Variants in TMEM255B observed in about 807,000 individuals in gnomAD.
TMEM255B encodes family with sequence similarity 70, member B.
TMEM255B carries 35 observed loss-of-function variants against 34.5 expected under a neutral mutation model. The observed-to-expected ratio is 1.01, with a 90% CI of 0.77 to 1.34. The LOEUF (loss-of-function observed/expected upper bound fraction) is 1.34, where lower values mean the gene tolerates loss of function less well. TMEM255B is among the 40% of genes most tolerant of loss of function. TMEM255B has a pLI of 0.00. For synonymous variants in TMEM255B, 206 were observed against 201.2 expected (o/e 1.02, Z -0.20); for missense variants, 432 against 433.2 (o/e 1.00, Z 0.02).
Position 113,765,936 on chromosome 13 carries a change from G to C in TMEM255B, c.47-179G>C, listed in dbSNP as rs996474706. 3.3e-5 allele frequency among the ~76,000 whole-genome samples: 5 copies of C among 152,352 alleles called. No individual in the cohort carries two copies. The highest frequency in any genetic ancestry group is 4.8e-5 in the African/African-American group (2 of 41,588). The stretch of plus-strand genomic sequence containing the variant: ...ATCCAGTATAGTGGCTTATGGTCCA[G>C]AGATTTTATTCTGTTATCTAATGGA... On this transcript the variant is annotated intron_variant, in intron 1 of 8. Coordinates refer to ENST00000375353, the MANE Select transcript of TMEM255B (RefSeq NM_182614.4).
At chr13:113,804,492 C>T (rs1307626518) in intron 7 of TMEM255B, among the ~76,000 whole-genome samples, 1 of 152,230 alleles carries the variant, frequency 6.6e-6, no homozygotes, top group Admixed American at 6.5e-5. Flanking sequence ...CCGAGCCGAG[C>T]GGTCACCCAG....
intron 1 of TMEM255B, among the ~76,000 whole-genome samples, chr13:113,764,968 C>T (rs1480101093): frequency 3.3e-5 from 5 of 152,192 alleles, no homozygotes; most frequent in South Asian, 2.1e-4. Flanking sequence ...CTGGCCGCCT[C>T]GGTGCAGTGG....
intron 8 of TMEM255B, among the ~76,000 whole-genome samples, chr13:113,807,748 G>C (rs1246542329): frequency 7.2e-6 from 1 of 138,934 alleles, no homozygotes. Flanking sequence ...GGATGTGGGG[G>C]GTAGTCCTCC....
chr13:113,780,187 G>A (rs1341403107), intron 3 of TMEM255B, among the ~76,000 whole-genome samples: 2 of 152,204 alleles, frequency 1.3e-5, no homozygotes, highest in East Asian at 1.9e-4. Flanking sequence ...CCCCTGTGCA[G>A]GGACTGTGTA....
chr13:113,799,566 C>G lies in TMEM255B; in HGVS notation c.423+147C>G, dbSNP rs75413514. 2.0e-3 allele frequency: 1,434 copies of G among 713,084 alleles called. 20 individuals carry two copies. The African/African-American group carries it at 0.023, about 12-fold the overall frequency. 44.2% of individuals were successfully genotyped at this position (713,084 alleles called of 1,614,324 possible). A position where few individuals can be genotyped will look rare whatever the true frequency, so the allele number is the denominator to read the frequency against. On this transcript the variant is annotated intron_variant, in intron 5 of 8. Transcript: ENST00000375353. ...CCCTGCAGCTGGTGAACCGTTGATG[C>G]CCCCTGTGTTTGGGACCTTGACATT...
In TMEM255B at chr13:113,795,560, C is replaced by CCACACAA. The variant is rs1356068423; in HGVS notation, c.342+330_342+336dup. On this transcript the variant is annotated intron_variant, in intron 4 of 8. Transcript: ENST00000375353. ...CAGCACACACACAACACAGCACACA[C>CCACACAA]CACACAACACACAGAGCACACAGCA... 2.2e-5 allele frequency among the ~76,000 whole-genome samples: 3 copies of CCACACAA among 135,492 alleles called. No individual in the cohort carries two copies. In the East Asian group the frequency reaches 6.9e-4, roughly 31 times the overall value. 88.9% of individuals were successfully genotyped at this position (135,492 alleles called of 152,430 possible). A position where few individuals can be genotyped will look rare whatever the true frequency, so the allele number is the denominator to read the frequency against.
chr13:113,772,809 T>G (rs747695370), intron 3 of TMEM255B, among the ~76,000 whole-genome samples: 10 of 152,210 alleles, frequency 6.6e-5, no homozygotes, highest in Non-Finnish European at 1.2e-4. Context: ...TACTGTAGCT[T>G]TAGAGTGAGT....
Position 113,815,956 on chromosome 13 carries a change from C to T in TMEM255B, c.*4053C>T, listed in dbSNP as rs533354379. 2.4e-4 allele frequency: 38 copies of T among 160,978 alleles called. No homozygotes were observed. The highest frequency in any genetic ancestry group is 7.0e-4 in the African/African-American group (29 of 41,468). The allele number at this position is 160,978 out of a possible 1,614,324, so 10.0% of individuals were successfully genotyped here. ...GTTTATATGCAGTGTCCAGAGAAGGCGTGTCCACAGACAGAAGCCGACTGG... is the reference window on the plus strand; with the variant it reads ...GTTTATATGCAGTGTCCAGAGAAGGTGTGTCCACAGACAGAAGCCGACTGG... On this transcript the variant is annotated 3_prime_UTR_variant, in exon 9 of 9. Coordinates refer to ENST00000375353, the MANE Select transcript of TMEM255B (RefSeq NM_182614.4).
chr13:113,795,377 C>T, intron 4 of TMEM255B, 140 bp downstream of exon 4: 1 of 840,928 alleles, frequency 1.2e-6, no homozygotes, highest in Non-Finnish European at 1.9e-6. Context: ...CAGTGACTGT[C>T]TCTCCTCTCA....
In TMEM255B at chr13:113,811,934, GT is replaced by G. The variant is rs374564555; in HGVS notation, c.*42del. On this transcript the variant is annotated 3_prime_UTR_variant, in exon 9 of 9. Coordinates refer to ENST00000375353, the MANE Select transcript of TMEM255B (RefSeq NM_182614.4). Reference sequence around the variant, plus strand: ...GCGTGGAGTAAAAGATAACTTGTTTGTTTTTTTTTTTAAAAAAAAGGCAGCC... The same window carrying G: ...GCGTGGAGTAAAAGATAACTTGTTTGTTTTTTTTTTAAAAAAAAGGCAGCC... 2,120 of 1,341,802 alleles carry G rather than the reference GT, an allele frequency of 1.6e-3. No homozygotes were observed. The highest frequency in any genetic ancestry group is 2.7e-3 in the Middle Eastern group (13 of 4,744). The allele number at this position is 1,341,802 out of a possible 1,614,324, so 83.1% of individuals were successfully genotyped here. A position where few individuals can be genotyped will look rare whatever the true frequency, so the allele number is the denominator to read the frequency against.
At chr13:113,801,112 C>A (rs1481478122) in intron 6 of TMEM255B, among the ~76,000 whole-genome samples, 200 bp downstream of exon 6, 1 of 152,180 alleles carries the variant, frequency 6.6e-6, no homozygotes, top group African/African-American at 2.4e-5. Flanking sequence ...ATCACCCCCC[C>A]CACACCCCTG....
chr13:113,782,688 A>C, intron 3 of TMEM255B, among the ~76,000 whole-genome samples: 1 of 149,442 alleles, frequency 6.7e-6, no homozygotes, highest in Non-Finnish European at 1.5e-5. Flanking sequence ...GGGGGGCTTC[A>C]TTATGAGCCC....
intron 8 of TMEM255B, among the ~76,000 whole-genome samples, chr13:113,805,349 G>A (rs1257128092): frequency 6.6e-6 from 1 of 152,242 alleles, no homozygotes; most frequent in African/African-American, 2.4e-5. Flanking sequence ...GTCTGCTGGT[G>A]GACATCCTGT....
chr13:113,775,209 AACACCACAC>A (rs1286609986), intron 3 of TMEM255B, among the ~76,000 whole-genome samples: 7 of 150,070 alleles, frequency 4.7e-5, no homozygotes, highest in Admixed American at 4.6e-4. Context: ...CACATACTAC[AACACCACAC>A]ACACCACACA....
At chr13:113,789,864 G>T (rs1566733172) in intron 3 of TMEM255B, among the ~76,000 whole-genome samples, 1 of 152,072 alleles carries the variant, frequency 6.6e-6, no homozygotes. Context: ...CTGGGCACGT[G>T]AACATCCTAG....
intron 3 of TMEM255B, among the ~76,000 whole-genome samples, chr13:113,775,546 G>A (rs183964516): frequency 4.9e-4 from 74 of 152,340 alleles, no homozygotes; most frequent in African/African-American, 1.7e-3. Flanking sequence ...GCAAGAGCCC[G>A]TGCCAAGGCC....
chr13:113,763,664 G>T (rs934744684), intron 1 of TMEM255B, among the ~76,000 whole-genome samples: 1 of 152,214 alleles, frequency 6.6e-6, no homozygotes, highest in Admixed American at 6.5e-5. Flanking sequence ...AGGTTACCAT[G>T]AATTTTATTT....
chr13:113,792,270 A>G (rs1246948649), intron 3 of TMEM255B, among the ~76,000 whole-genome samples: 4 of 152,252 alleles, frequency 2.6e-5, no homozygotes, highest in African/African-American at 4.8e-5. Flanking sequence ...TAGTCATTTT[A>G]CTTTTATGCA....
chr13:113,804,860 A>G (rs754317461), intron 7 of TMEM255B, 25 bp from the exon 8 acceptor site: 1 of 1,582,594 alleles, frequency 6.3e-7, no homozygotes, highest in South Asian at 1.1e-5. Context: ...GTACACGCCG[A>G]CCACCCGTCT....
Sources: allele counts gnomAD v4.1 joint callset (sites outside exome capture counted in the v4.1 genomes callset), GRCh38; gene constraint gnomAD v4.1.1; transcripts MANE v1.5; gene names NCBI Gene and HGNC (gene_info 2026-07-23, HGNC 2026-07-21).